RSRC1: variants seen among roughly 807,000 people sequenced by gnomAD.
RSRC1 encodes the protein arginine and serine rich coiled-coil 1.
RSRC1 carries 39 observed loss-of-function variants against 49.1 expected under a neutral mutation model. The observed-to-expected ratio is 0.79, with a 90% CI of 0.61 to 1.04. The LOEUF is 1.04. Among genes scored for constraint, RSRC1 ranks in the 50% least tolerant of loss-of-function variants. RSRC1 has a pLI of 0.00. For synonymous variants in RSRC1, 143 were observed against 130.8 expected, an observed-to-expected ratio of 1.09 and a Z score of -0.63; for missense variants, 388 against 402.4, an observed-to-expected ratio of 0.96 and a Z score of 0.31.
At chr3:158,237,691 TAAG>T (rs1723317241) in intron 4 of RSRC1, among the ~76,000 whole-genome samples, 2 of 152,198 alleles carry the variant, frequency 1.3e-5, no homozygotes, top group Non-Finnish European at 2.9e-5. Flanking sequence ...CATATCAGCT[TAAG>T]GAGATTTTGG....
intron 4 of RSRC1, among the ~76,000 whole-genome samples, chr3:158,232,429 A>T (rs1372543904): frequency 6.6e-6 from 1 of 152,154 alleles, no homozygotes; most frequent in Non-Finnish European, 1.5e-5. Context: ...TAAGAAAAGC[A>T]TGTTACTTGA....
intron 4 of RSRC1, among the ~76,000 whole-genome samples, chr3:158,256,561 G>T (rs778079792): frequency 2.6e-5 from 4 of 152,130 alleles, no homozygotes; most frequent in African/African-American, 7.2e-5. Flanking sequence ...CTAGGTTTTG[G>T]TATCAGGATG....
At chr3:158,488,284 G>A (rs60589185) in intron 7 of RSRC1, among the ~76,000 whole-genome samples, 13,265 of 152,066 alleles carry the variant, frequency 0.087, 643 homozygotes, top group South Asian at 0.15. Context: ...CTAAATAATA[G>A]GAAAGTATTG....
At chr3:158,396,773 T>C (rs1053784266) in intron 6 of RSRC1, among the ~76,000 whole-genome samples, 1 of 152,152 alleles carries the variant, frequency 6.6e-6, no homozygotes, top group African/African-American at 2.4e-5. Context: ...ATGAACATTA[T>C]TTCTGCAAAC....
intron 4 of RSRC1, among the ~76,000 whole-genome samples, chr3:158,278,355 C>T (rs974713016): frequency 7.2e-5 from 11 of 152,188 alleles, no homozygotes; most frequent in South Asian, 2.1e-4. Flanking sequence ...AGCCTCTTTC[C>T]GCTCTCTGTT....
In RSRC1 at chr3:158,544,884, T is replaced by A. The variant is rs1334664686; in HGVS notation, c.*609T>A. ...AACATGTTAGCAGATCTCAGCTCAT[T>A]GTTTTAGAAATCACATGTTCATGCT... On this transcript the variant is annotated 3_prime_UTR_variant, in exon 10 of 10. Transcript: ENST00000611884. The A allele has an allele frequency of 6.6e-6, 1 of 152,228 alleles. No homozygotes were observed. The highest frequency in any genetic ancestry group is 1.5e-5 in the Non-Finnish European group (1 of 68,048). 9.4% of individuals were successfully genotyped at this position (152,228 alleles called of 1,614,324 possible).
chr3:158,439,099 C>G (rs1245953513), intron 6 of RSRC1, among the ~76,000 whole-genome samples: 1 of 152,110 alleles, frequency 6.6e-6, no homozygotes, highest in Admixed American at 6.5e-5. Context: ...AAATGCAAAT[C>G]AAAACCACAA....
intron 7 of RSRC1, among the ~76,000 whole-genome samples, chr3:158,495,434 G>A (rs1255269989): frequency 1.3e-5 from 2 of 152,010 alleles, no homozygotes; most frequent in African/African-American, 4.8e-5. Flanking sequence ...ACAGGCATGT[G>A]CCATCATGCC....
chr3:158,397,822 G>C (rs996026515), intron 6 of RSRC1, among the ~76,000 whole-genome samples: 1 of 151,946 alleles, frequency 6.6e-6, no homozygotes, highest in African/African-American at 2.4e-5. Context: ...CTTACATAAA[G>C]GATCTCATCT....
At position 158,229,252 on chromosome 3, in the gene RSRC1, A is replaced by G. The variant is rs866802413; in HGVS notation, c.494+26007A>G. On this transcript the variant is annotated intron_variant, in intron 4 of 9. Transcript: ENST00000611884. ...TATATGTGTATGTATGTATATAAAC[A>G]TACATGTATATGTGTATGTATGTAT... 8.8e-5 allele frequency among the ~76,000 whole-genome samples: 13 copies of G among 147,612 alleles called. 1 individual carries two copies. The highest frequency in any genetic ancestry group is 1.7e-4 in the Non-Finnish European group (11 of 66,560).
chr3:158,480,271 A>C (rs1738555059), intron 7 of RSRC1, among the ~76,000 whole-genome samples: 1 of 152,086 alleles, frequency 6.6e-6, no homozygotes, highest in South Asian at 2.1e-4. Flanking sequence ...AAATTAATAC[A>C]AATTATTTTG....
intron 6 of RSRC1, among the ~76,000 whole-genome samples, chr3:158,386,978 G>A (rs945062639): frequency 6.6e-6 from 1 of 151,892 alleles, no homozygotes. Flanking sequence ...GAAATTCCAT[G>A]AAGTACATAC....
At chr3:158,135,405 G>T (rs555555378) in intron 3 of RSRC1, among the ~76,000 whole-genome samples, 21 of 151,658 alleles carry the variant, frequency 1.4e-4, no homozygotes, top group African/African-American at 5.1e-4. Context: ...GAGTAGCTGG[G>T]ATTACAGGCA....
chr3:158,172,101 A>G (rs1005125078), intron 3 of RSRC1, among the ~76,000 whole-genome samples: 1 of 152,214 alleles, frequency 6.6e-6, no homozygotes, highest in African/African-American at 2.4e-5. Context: ...TATGTGTGTA[A>G]TTAGAGTTTC....
intron 3 of RSRC1, among the ~76,000 whole-genome samples, chr3:158,158,901 T>A (rs1368043345): frequency 6.8e-6 from 1 of 147,100 alleles, no homozygotes; most frequent in Non-Finnish European, 1.5e-5. Context: ...ATCGTACCAC[T>A]GCACTCCAGC....
chr3:158,422,560 G>C (rs1041698704), intron 6 of RSRC1, among the ~76,000 whole-genome samples: 2 of 151,142 alleles, frequency 1.3e-5, no homozygotes, highest in Non-Finnish European at 3.0e-5. Flanking sequence ...CTTTATAGCA[G>C]CATGATTTAT....
At position 158,123,982 on chromosome 3, in the gene RSRC1, G is replaced by T. The variant is rs201521445; in HGVS notation, c.311G>T (p.Arg104Ile). The change falls in exon 3 of 10, where the codon AGA becomes ATA. Residue 104 changes from arginine to isoleucine, a missense_variant. Transcript: ENST00000611884. ...GTTCAGAGGTCTAGGTCAAAAAGCAGAACAAGAAGGTATGCCTTATTAAGT... is the reference window on the plus strand; with the variant it reads ...GTTCAGAGGTCTAGGTCAAAAAGCATAACAAGAAGGTATGCCTTATTAAGT... ...YRVQRSRSKS[R>I]TRRSRSRPRL... The T allele has an allele frequency of 1.5e-5, 24 of 1,595,082 alleles. No homozygotes were observed. Among genetic ancestry groups the T allele is most frequent in the Non-Finnish European group, 8.5e-7 (1 of 1,171,592 alleles).
chr3:158,286,956 A>G (rs4552311), intron 4 of RSRC1, among the ~76,000 whole-genome samples: 11,689 of 152,218 alleles, frequency 0.077, 544 homozygotes, highest in South Asian at 0.13. Flanking sequence ...CCTTCCGAGT[A>G]TCTGGGACTA....
At position 158,129,580 on chromosome 3, in the gene RSRC1, C is replaced by T. The variant is rs527678914; in HGVS notation, c.320+5589C>T. Among the ~76,000 whole-genome samples, 82 of 152,190 alleles carry T rather than the reference C, an allele frequency of 5.4e-4. No homozygotes were observed. In the South Asian group the frequency reaches 0.012, roughly 22 times the overall value. The stretch of plus-strand genomic sequence containing the variant: ...TGCTGGGATTACAAGCATAAGCCAC[C>T]GCGCCTGGCCAGTCTAGCCCTATTT... On this transcript the variant is annotated intron_variant, in intron 3 of 9. Coordinates refer to ENST00000611884, the MANE Select transcript of RSRC1 (RefSeq NM_001271838.2).
Sources: allele counts gnomAD v4.1 joint callset (sites outside exome capture counted in the v4.1 genomes callset), GRCh38; gene constraint gnomAD v4.1.1; transcripts MANE v1.5; gene names NCBI Gene and HGNC (gene_info 2026-07-23, HGNC 2026-07-21).